The following ADPRHL1 variants were observed in gnomAD, a reference collection of about 807,000 sequenced individuals.
ADPRHL1 encodes the protein inactive ADP-ribosyltransferase ARH2.
Under a neutral mutation model 44.1 loss-of-function variants are expected in ADPRHL1, and 43 were observed. That is an observed-to-expected ratio of 0.98 (90% confidence interval 0.76 to 1.26). ADPRHL1 has a LOEUF of 1.26. Ranked by LOEUF, ADPRHL1 falls within the 50% of genes most tolerant of loss-of-function variation. The pLI is 0.00. For synonymous variants in ADPRHL1, 878 were observed against 1,017.4 expected (o/e 0.86, Z 2.61); for missense variants, 2,022 against 2,496.9 (o/e 0.81, Z 4.05).
At chr13:113,419,003 CCTCCCTCCCTT>C (rs2043900812) in intron 7 of ADPRHL1, among the ~76,000 whole-genome samples, 3 of 111,080 alleles carry the variant, frequency 2.7e-5, no homozygotes, top group Non-Finnish European at 5.7e-5. Flanking sequence ...TCCCTCCCTT[CCTCCCTCCCTT>C]CCTTCCTTTC....
Position 113,401,590 on chromosome 13 carries a change from G to A in ADPRHL1, c.*1788C>T, listed in dbSNP as rs7331116. On this transcript the variant is annotated 3_prime_UTR_variant, in exon 8 of 8. Transcript: ENST00000612156. This position sits in a 1 kb window ranked among gnomAD's most constrained non-coding sequence, Gnocchi z 5.5. ...ACGCCAAGCAGAAACCCCTCGAAGC[G>A]GGCTGGGAGCACGGACCCCTGATTT... is the stretch of plus-strand genomic sequence containing the variant. The A allele has an allele frequency of 0.34, 52,252 of 152,016 alleles. 9,254 individuals carry two copies. The highest frequency in any genetic ancestry group is 0.44 in the Middle Eastern group (130 of 294). The allele number at this position is 152,016 out of a possible 1,614,324, so 9.4% of individuals were successfully genotyped here.
At position 113,444,482 on chromosome 13, in the gene ADPRHL1, C is replaced by T. The variant is rs372352299; in HGVS notation, c.322G>A (p.Ala108Thr). 1 of 1,614,088 alleles carries T rather than the reference C, an allele frequency of 6.2e-7. No homozygotes were observed. Among genetic ancestry groups the T allele is most frequent in the African/African-American group, 1.3e-5 (1 of 74,926 alleles). ...RPDPATIEGC[A>T]QLKPNNYLLA... ...AGGTAGTTATTGGGCTTTAGCTGAG[C>T]ACAGCCTTCAATGGTAGCTGGGTCT... Residue 108 changes from alanine to threonine, a missense_variant, in exon 2 of 8, where the codon GCT becomes ACT. Coordinates refer to ENST00000612156, the MANE Select transcript of ADPRHL1 (RefSeq NM_001394807.1).
rs1311654270 is a variant in ADPRHL1, at chr13:113,405,844, C to A, written c.3438G>T (p.Thr1146=). The A allele has an allele frequency of 2.2e-5, 27 of 1,231,794 alleles. No individual in the cohort carries two copies. The allele number at this position is 1,231,794 out of a possible 1,614,324, so 76.3% of individuals were successfully genotyped here. Residue 1146 remains threonine (T), a synonymous_variant, in exon 8 of 8, where the codon ACG becomes ACT. Coordinates refer to ENST00000612156, the MANE Select transcript of ADPRHL1 (RefSeq NM_001394807.1). ...AGGCTCTGCTTCCCCACTGGCCCAGCGTCTCTGGCTCTCCCGCTGTGCGGT... is the reference window on the plus strand; with the variant it reads ...AGGCTCTGCTTCCCCACTGGCCCAGAGTCTCTGGCTCTCCCGCTGTGCGGT... ...PGDRTAGEPE[T]LGQWGSRALS... is the part of the protein sequence containing the mutation.
Position 113,403,858 on chromosome 13 carries a change from G to A in ADPRHL1, c.5424C>T (p.Ala1808=). The A allele has an allele frequency of 1.6e-6, 2 of 1,247,628 alleles. No individual in the cohort carries two copies. The highest frequency in any genetic ancestry group is 2.0e-6 in the Non-Finnish European group (2 of 998,888). The allele number at this position is 1,247,628 out of a possible 1,614,324, so 77.3% of individuals were successfully genotyped here. A position where few individuals can be genotyped will look rare whatever the true frequency, so the allele number is the denominator to read the frequency against. Residue 1808 remains alanine (A), a synonymous_variant, in exon 8 of 8, where the codon GCC becomes GCT. Coordinates refer to ENST00000612156, the MANE Select transcript of ADPRHL1 (RefSeq NM_001394807.1). ...CCCGAGGCGCCATCCCACTTGTCAAGGCCTGTTCCCGACCCTGTTCCCAAG... is the reference window on the plus strand; with the variant it reads ...CCCGAGGCGCCATCCCACTTGTCAAAGCCTGTTCCCGACCCTGTTCCCAAG... The part of the protein sequence containing the change: ...ERAWEQGREQ[A]LTSGMAPRAW...
In ADPRHL1 at chr13:113,444,513, G is replaced by C. The variant is rs2044122429; in HGVS notation, c.291C>G (p.Arg97=). The change falls in exon 2 of 8, where the codon CGC becomes CGG. Residue 97 remains arginine (R), a synonymous_variant. Coordinates refer to ENST00000612156, the MANE Select transcript of ADPRHL1 (RefSeq NM_001394807.1). ...CTTCAATGGTAGCTGGGTCTGGCCGGCGTTCTGGAAGCTTCTCAACGATTT... is the reference window on the plus strand; with the variant it reads ...CTTCAATGGTAGCTGGGTCTGGCCGCCGTTCTGGAAGCTTCTCAACGATTT... ...YVEIVEKLPE[R]RPDPATIEGC... is the part of the protein sequence containing the mutation. 6.2e-7 allele frequency: 1 copy of C among 1,614,226 alleles called. No individual in the cohort carries two copies. Among genetic ancestry groups the C allele is most frequent in the African/African-American group, 1.3e-5 (1 of 75,056 alleles).
chr13:113,400,568 T>C lies in ADPRHL1; in HGVS notation c.*2810A>G, dbSNP rs2139584248. ...GTAGTTATTTCACCCCGGGAGGGTG[T>C]GGGCCTTAGCCATGTGGCCGTGATG... On this transcript the variant is annotated 3_prime_UTR_variant, in exon 8 of 8. Transcript: ENST00000612156. The C allele has an allele frequency of 6.6e-6, 1 of 152,128 alleles. No homozygotes were observed. The highest frequency in any genetic ancestry group is 6.5e-5 in the Admixed American group (1 of 15,280). 9.4% of individuals were successfully genotyped at this position (152,128 alleles called of 1,614,324 possible). A position where few individuals can be genotyped will look rare whatever the true frequency, so the allele number is the denominator to read the frequency against.
chr13:113,446,922 GCAAGTTGTATGTGCATGGTGTCTACACT>G lies in ADPRHL1; in HGVS notation c.215-2361_215-2334del, dbSNP rs1281077897. 9.2e-4 allele frequency among the ~76,000 whole-genome samples: 130 copies of G among 141,628 alleles called. 1 individual carries two copies. Among genetic ancestry groups the G allele is most frequent in the African/African-American group, 3.3e-3 (120 of 36,494 alleles). 92.9% of individuals were successfully genotyped at this position (141,628 alleles called of 152,430 possible). On this transcript the variant is annotated intron_variant, in intron 1 of 7. Coordinates refer to ENST00000612156, the MANE Select transcript of ADPRHL1 (RefSeq NM_001394807.1). ...TGTTGTGTGTGCATGGTGTCTACAT[GCAAGTTGTATGTGCATGGTGTCTACACT>G]CACGGTGTTGTGTGTGCATGGTGTC...
At chr13:113,413,769 G>C (rs571165585) in intron 7 of ADPRHL1, among the ~76,000 whole-genome samples, 59 of 152,356 alleles carry the variant, frequency 3.9e-4, no homozygotes, top group Middle Eastern at 3.4e-3. Context: ...GCGAGACCGG[G>C]CCTCCCTCAG....
rs112911572 is a variant in ADPRHL1, at chr13:113,441,628, G to A, written c.379+2797C>T. Among the ~76,000 whole-genome samples, 1 of 152,156 alleles carries A rather than the reference G, an allele frequency of 6.6e-6. No homozygotes were observed. ...ATTTTTAAGTCAATTATCTTTTAAAGATATTTAAATAACATGTTTTAAAAT... is the reference window on the plus strand; with the variant it reads ...ATTTTTAAGTCAATTATCTTTTAAAAATATTTAAATAACATGTTTTAAAAT... On this transcript the variant is annotated intron_variant, in intron 2 of 7. Coordinates refer to ENST00000612156, the MANE Select transcript of ADPRHL1 (RefSeq NM_001394807.1). The surrounding 1 kb of genome is among the most constrained non-coding windows in gnomAD (Gnocchi z 6.0).
At chr13:113,448,186 CA>C (rs1222287815) in intron 1 of ADPRHL1, among the ~76,000 whole-genome samples, 1 of 152,038 alleles carries the variant, frequency 6.6e-6, no homozygotes, top group Non-Finnish European at 1.5e-5. Flanking sequence ...TCCTGAAAGA[CA>C]AATCAGTTTC....
Position 113,407,207 on chromosome 13 carries a change from T to C in ADPRHL1, c.2075A>G (p.Gln692Arg). ...QPRPSKPVTPQVMAQRDGHAV... is the reference protein window; with the variant it reads ...QPRPSKPVTPRVMAQRDGHAV... ...GTGGCCGTCCCTCTGAGCCATCACC[T>C]GGGGTGTCACGGGCTTCGAGGGCCT... The change falls in exon 8 of 8, where the codon CAG (glutamine) becomes CGG (arginine). Residue 692 changes from glutamine to arginine, a missense_variant. Coordinates refer to ENST00000612156, the MANE Select transcript of ADPRHL1 (RefSeq NM_001394807.1). 1 of 1,232,208 alleles carries C rather than the reference T, an allele frequency of 8.1e-7. No homozygotes were observed. The highest frequency in any genetic ancestry group is 1.5e-5 in the African/African-American group (1 of 64,540). The allele number at this position is 1,232,208 out of a possible 1,614,324, so 76.3% of individuals were successfully genotyped here.
rs1399520585 is a variant in ADPRHL1 at position 113,435,151 on chromosome 13, CATAGAGTGA to C, written c.380-1293_380-1285del. Among the ~76,000 whole-genome samples the C allele has an allele frequency of 2.3e-4, 13 of 56,746 alleles. 2 individuals carry two copies. In the South Asian group the frequency reaches 3.1e-3, roughly 13 times the overall value. 37.2% of individuals were successfully genotyped at this position (56,746 alleles called of 152,430 possible). A position where few individuals can be genotyped will look rare whatever the true frequency, so the allele number is the denominator to read the frequency against. On this transcript the variant is annotated intron_variant, in intron 2 of 7. Coordinates refer to ENST00000612156, the MANE Select transcript of ADPRHL1 (RefSeq NM_001394807.1). ...TGTACCCCAGGACCCGGCACCCACG[CATAGAGTGA>C]ACATAGGTGTACCCTGTGACCCAGC...
Position 113,433,738 on chromosome 13 carries a change from T to G in ADPRHL1, c.505+4A>C, listed in dbSNP as rs1321536699. On this transcript the variant is annotated splice_donor_region_variant and intron_variant, in intron 3 of 7. Coordinates refer to ENST00000612156, the MANE Select transcript of ADPRHL1 (RefSeq NM_001394807.1). ...CCTCCCTCCCACCCCCCGCCCACAC[T>G]TACCTGTGGGATGGTTGTGGGTCAT... The G allele has an allele frequency of 3.9e-6, 6 of 1,539,052 alleles. No individual in the cohort carries two copies. Among genetic ancestry groups the G allele is most frequent in the Non-Finnish European group, 5.2e-6 (6 of 1,143,666 alleles).
chr13:113,442,575 C>T (rs979286953), intron 2 of ADPRHL1, among the ~76,000 whole-genome samples: 2 of 152,214 alleles, frequency 1.3e-5, no homozygotes, highest in African/African-American at 4.8e-5. Flanking sequence ...GTCATTGTTA[C>T]TGTTGCTTCT....
At position 113,403,558 on chromosome 13, in the gene ADPRHL1, G is replaced by T; in HGVS notation, c.5724C>A (p.Asp1908Glu). 1 of 1,231,846 alleles carries T rather than the reference G, an allele frequency of 8.1e-7. No individual in the cohort carries two copies. Among genetic ancestry groups the T allele is most frequent in the Non-Finnish European group, 1.0e-6 (1 of 987,958 alleles). The allele number at this position is 1,231,846 out of a possible 1,614,324, so 76.3% of individuals were successfully genotyped here. A position where few individuals can be genotyped will look rare whatever the true frequency, so the allele number is the denominator to read the frequency against. ...PQAPAQEGSP[D>E]HPGAERALQD... is the part of the protein sequence containing the mutation. ...GCAGGGCCCTCTCAGCCCCAGGGTG[G>T]TCTGGGGACCCCTCCTGGGCCGGGG... The change falls in exon 8 of 8, where the codon GAC becomes GAA. Residue 1908 changes from aspartate to glutamate, a missense_variant. Asp to Glu is a conservative substitution (Grantham distance 45, BLOSUM62 2). Coordinates refer to ENST00000612156, the MANE Select transcript of ADPRHL1 (RefSeq NM_001394807.1).
At chr13:113,435,414 C>T (rs1461511520) in intron 2 of ADPRHL1, among the ~76,000 whole-genome samples, 5 of 134,386 alleles carry the variant, frequency 3.7e-5, no homozygotes, top group African/African-American at 5.9e-5. Context: ...GTAGAGTGAA[C>T]ACAGGTGTAC....
At chr13:113,443,479 T>C (rs370608185) in intron 2 of ADPRHL1, among the ~76,000 whole-genome samples, 9 of 144,920 alleles carry the variant, frequency 6.2e-5, no homozygotes, top group Non-Finnish European at 1.3e-4. Flanking sequence ...ATTAACTGGG[T>C]GTAGTGGAAT....
rs1252347814 is a variant in ADPRHL1, at chr13:113,441,920, C to A, written c.379+2505G>T. On this transcript the variant is annotated intron_variant, in intron 2 of 7. Coordinates refer to ENST00000612156, the MANE Select transcript of ADPRHL1 (RefSeq NM_001394807.1). The surrounding 1 kb of genome is among the most constrained non-coding windows in gnomAD (Gnocchi z 6.0). ...GTCTGTGTCTCTATCACGCTTTACTCCACCGTGCTGGTCCGTGTCTCTGTC... is the reference window on the plus strand; with the variant it reads ...GTCTGTGTCTCTATCACGCTTTACTACACCGTGCTGGTCCGTGTCTCTGTC... 6.6e-6 allele frequency among the ~76,000 whole-genome samples: 1 copy of A among 152,246 alleles called. No homozygotes were observed. The highest frequency in any genetic ancestry group is 1.5e-5 in the Non-Finnish European group (1 of 68,050).
Position 113,409,638 on chromosome 13 carries a change from G to A in ADPRHL1, c.1062-1418C>T, listed in dbSNP as rs991989085. The A allele has an allele frequency of 1.2e-5, 12 of 983,808 alleles. No individual in the cohort carries two copies. The highest frequency in any genetic ancestry group is 1.2e-5 in the Non-Finnish European group (10 of 828,502). 60.9% of individuals were successfully genotyped at this position (983,808 alleles called of 1,614,324 possible). A position where few individuals can be genotyped will look rare whatever the true frequency, so the allele number is the denominator to read the frequency against. Reference sequence around the variant, plus strand: ...CGTGGCTCACGCCTGTAATCTCAGCGTGATTTGGGAGGCCGAGGCTGGCAG... The same window carrying A: ...CGTGGCTCACGCCTGTAATCTCAGCATGATTTGGGAGGCCGAGGCTGGCAG... On this transcript the variant is annotated intron_variant, in intron 7 of 7. Transcript: ENST00000612156. The surrounding 1 kb of genome is among the most constrained non-coding windows in gnomAD (Gnocchi z 4.2).
Sources: gnomAD v4.1 joint callset for allele counts (sites outside exome capture counted in the v4.1 genomes callset) on GRCh38, gnomAD v4.1.1 for gene constraint, Gnocchi (gnomAD v3.1) non-coding constraint, MANE v1.5 for transcripts, NCBI Gene and HGNC (gene_info 2026-07-23, HGNC 2026-07-21) for gene names.